Variants in KATNIP observed in about 807,000 individuals in gnomAD.
The protein encoded by KATNIP is katanin-interacting protein.
A neutral mutation model predicts 174.0 loss-of-function variants in KATNIP; 126 were observed. That is an observed-to-expected ratio of 0.72 (90% CI 0.63 to 0.84). The LOEUF is 0.84. Ranked by LOEUF, KATNIP falls within the 40% of genes least tolerant of loss-of-function variation. The probability of loss-of-function intolerance (pLI) is 0.00; values close to 1 mark genes in which losing one functional copy is unlikely to be tolerated. For synonymous variants in KATNIP, 810 were observed against 835.7 expected (o/e 0.97, Z 0.53); for missense variants, 1,958 against 2,109.7 (o/e 0.93, Z 1.41).
At chr16:27,656,386 C>T (rs1190766143) in intron 6 of KATNIP, among the ~76,000 whole-genome samples, 1 of 145,178 alleles carries the variant, frequency 6.9e-6, no homozygotes, top group African/African-American at 2.6e-5. Context: ...GCACTACACT[C>T]CAGCCTAGGC....
chr16:27,586,933 T>A (rs78308174), intron 2 of KATNIP, among the ~76,000 whole-genome samples: 1 of 150,852 alleles, frequency 6.6e-6, no homozygotes, highest in East Asian at 1.9e-4. Context: ...TTTTTTTTTT[T>A]AATATAGAAA....
At chr16:27,713,809 C>CATATATAT (rs60005285) in intron 13 of KATNIP, among the ~76,000 whole-genome samples, 35 of 33,356 alleles carry the variant, frequency 1.0e-3, no homozygotes, top group Admixed American at 1.4e-3. Context: ...TGTGTATATA[C>CATATATAT]ATATATATAT....
intron 8 of KATNIP, 142 bp from the exon 9 acceptor site, chr16:27,698,186 C>A (rs2078980325): frequency 3.4e-6 from 3 of 887,774 alleles, no homozygotes; most frequent in African/African-American, 3.4e-5. Flanking sequence ...GAACCGTTTT[C>A]TTTGTCTTTT....
intron 1 of KATNIP, among the ~76,000 whole-genome samples, chr16:27,565,144 C>T (rs112838531): frequency 1.3e-5 from 2 of 151,512 alleles, no homozygotes; most frequent in African/African-American, 2.4e-5. Flanking sequence ...GAAGTCCCCT[C>T]AAAACGGGTC....
intron 2 of KATNIP, among the ~76,000 whole-genome samples, chr16:27,594,741 G>C (rs868723026): frequency 1.3e-5 from 2 of 152,140 alleles, no homozygotes. Flanking sequence ...GTGTGAGACC[G>C]TGCCTGTCCA....
intron 2 of KATNIP, among the ~76,000 whole-genome samples, chr16:27,578,218 A>G (rs2090569783): frequency 6.6e-6 from 1 of 152,168 alleles, no homozygotes; most frequent in Non-Finnish European, 1.5e-5. Context: ...CTGTAGTACC[A>G]GCAGCTCAGG....
At chr16:27,734,944 C>T (rs2080844031) in intron 14 of KATNIP, among the ~76,000 whole-genome samples, 2 of 152,204 alleles carry the variant, frequency 1.3e-5, no homozygotes. Context: ...TAATGCTTCC[C>T]TTGCAGGATT....
intron 18 of KATNIP, among the ~76,000 whole-genome samples, chr16:27,760,975 G>T (rs1298032219): frequency 6.6e-6 from 1 of 152,306 alleles, no homozygotes; most frequent in East Asian, 1.9e-4. Context: ...AGGCCCTGTG[G>T]TTGGAGAGAG....
chr16:27,571,742 C>A, intron 1 of KATNIP, among the ~76,000 whole-genome samples: 1 of 152,234 alleles, frequency 6.6e-6, no homozygotes, highest in East Asian at 1.9e-4. Flanking sequence ...GACCCCAACC[C>A]GCTTTGTGCC....
At chr16:27,706,974 T>C (rs1171809965) in intron 12 of KATNIP, among the ~76,000 whole-genome samples, 1 of 152,138 alleles carries the variant, frequency 6.6e-6, no homozygotes, top group Non-Finnish European at 1.5e-5. Context: ...CACATGGCTG[T>C]GGAGCAGGAG....
intron 14 of KATNIP, among the ~76,000 whole-genome samples, chr16:27,732,988 C>T (rs1161416398): frequency 6.6e-6 from 1 of 152,200 alleles, no homozygotes; most frequent in South Asian, 2.1e-4. Flanking sequence ...ACATCTGGGC[C>T]GACTCCAGTT....
intron 2 of KATNIP, among the ~76,000 whole-genome samples, chr16:27,575,990 A>G (rs2141725641): frequency 6.6e-6 from 1 of 152,254 alleles, no homozygotes; most frequent in African/African-American, 2.4e-5. Flanking sequence ...CAGGGATGGA[A>G]GTGAGCCCAG....
At chr16:27,640,812 G>A (rs2076771179) in intron 5 of KATNIP, among the ~76,000 whole-genome samples, 1 of 151,876 alleles carries the variant, frequency 6.6e-6, no homozygotes, top group Non-Finnish European at 1.5e-5. Context: ...GAGGTGAGCA[G>A]TAGTGCTAAA....
chr16:27,698,179 C>A (rs1391652394), intron 8 of KATNIP, 149 bp from the exon 9 acceptor site: 7 of 836,720 alleles, frequency 8.4e-6, no homozygotes, highest in African/African-American at 1.7e-5. Flanking sequence ...TAATCTGGAA[C>A]CGTTTTCTTT....
chr16:27,660,813 CT>C (rs1462206373), intron 6 of KATNIP, among the ~76,000 whole-genome samples: 1 of 152,102 alleles, frequency 6.6e-6, no homozygotes, highest in Non-Finnish European at 1.5e-5. Flanking sequence ...TGCTCTAGGT[CT>C]TTTGCAAGTT....
chr16:27,579,968 A>G (rs1001909762), intron 2 of KATNIP, among the ~76,000 whole-genome samples: 3 of 151,846 alleles, frequency 2.0e-5, no homozygotes, highest in Non-Finnish European at 4.4e-5. Context: ...TCTGAGGGGA[A>G]CACAGCAATG....
At chr16:27,734,852 G>A (rs1759162992) in intron 14 of KATNIP, among the ~76,000 whole-genome samples, 1 of 152,228 alleles carries the variant, frequency 6.6e-6, no homozygotes, top group South Asian at 2.1e-4. Flanking sequence ...TAGCATGCCA[G>A]CCATAGTGGC....
At chr16:27,655,153 G>A (rs1217053713) in intron 6 of KATNIP, among the ~76,000 whole-genome samples, 2 of 124,388 alleles carry the variant, frequency 1.6e-5, no homozygotes, top group African/African-American at 3.0e-5. Flanking sequence ...AACAAAAACC[G>A]CTGGGCTGCT....
chr16:27,752,242 T>C (rs1040097303), intron 17 of KATNIP, among the ~76,000 whole-genome samples: 20 of 152,310 alleles, frequency 1.3e-4, no homozygotes, highest in African/African-American at 4.8e-4. Context: ...GGGGTTGCGT[T>C]TTGATCATTC....
Sources: gnomAD v4.1 joint callset for allele counts (sites outside exome capture counted in the v4.1 genomes callset) on GRCh38, gnomAD v4.1.1 for gene constraint, MANE v1.5 for transcripts, NCBI Gene and HGNC (gene_info 2026-07-23, HGNC 2026-07-21) for gene names.